Variants in ADAMTSL1 observed in about 807,000 individuals in gnomAD.
ADAMTSL1 encodes ADAMTS-like protein 1.
In ADAMTSL1, 126 loss-of-function variants were observed where a neutral mutation model predicts 201.8. The ratio of observed to expected loss-of-function variants is 0.62; its 90% CI spans 0.54 to 0.72. The LOEUF (loss-of-function observed/expected upper bound fraction) is 0.72, where lower values mean the gene tolerates loss of function less well. Among genes scored for constraint, ADAMTSL1 ranks in the 30% least tolerant of loss-of-function variants. The pLI, the probability that ADAMTSL1 is intolerant of heterozygous loss-of-function variation, is 0.00. For missense variants in ADAMTSL1, 2,679 were observed against 2,277.8 expected (o/e 1.18, Z -3.59); for synonymous variants, 1,121 against 903.4 (o/e 1.24, Z -4.32).
At chr9:17,987,713 C>T (rs1031478941) in intron 1 of ADAMTSL1, among the ~76,000 whole-genome samples, 1 of 151,986 alleles carries the variant, frequency 6.6e-6, no homozygotes, top group African/African-American at 2.4e-5. Context: ...CTCTCAAATG[C>T]CTTGTTTTTT....
intron 15 of ADAMTSL1, among the ~76,000 whole-genome samples, chr9:18,745,892 C>T (rs1254881062): frequency 6.6e-6 from 1 of 152,200 alleles, no homozygotes; most frequent in Non-Finnish European, 1.5e-5. Context: ...TGACTCCCAG[C>T]CATCCTGGCC....
At chr9:18,688,264 C>G (rs992670267) in intron 13 of ADAMTSL1, among the ~76,000 whole-genome samples, 9 of 151,752 alleles carry the variant, frequency 5.9e-5, no homozygotes, top group African/African-American at 1.9e-4. Context: ...GCTGGGATTA[C>G]AGGTGCCCAC....
At chr9:18,775,050 C>CTT (rs11299398) in intron 17 of ADAMTSL1, among the ~76,000 whole-genome samples, 1 of 147,728 alleles carries the variant, frequency 6.8e-6, no homozygotes, top group Non-Finnish European at 1.5e-5. Context: ...CACTTGTTGT[C>CTT]TTTTTTTTTT....
chr9:18,589,343 A>G (rs761542278), intron 4 of ADAMTSL1, among the ~76,000 whole-genome samples: 25 of 152,178 alleles, frequency 1.6e-4, no homozygotes, highest in East Asian at 1.5e-3. Flanking sequence ...GCTATTTTAA[A>G]TGGGATTGCT....
intron 2 of ADAMTSL1, among the ~76,000 whole-genome samples, chr9:18,389,048 A>C (rs74539289): frequency 0.048 from 7,234 of 152,126 alleles, 178 homozygotes; most frequent in Middle Eastern, 0.082. Context: ...AGCCACTGCA[A>C]CCAGTCCTAA....
At chr9:18,589,816 A>G (rs1045451515) in intron 4 of ADAMTSL1, among the ~76,000 whole-genome samples, 2 of 152,184 alleles carry the variant, frequency 1.3e-5, no homozygotes, top group Admixed American at 6.5e-5. Flanking sequence ...TTCAGCGTCT[A>G]TTGAAATGAT....
intron 2 of ADAMTSL1, among the ~76,000 whole-genome samples, chr9:18,263,181 C>A (rs1354200138): frequency 1.3e-5 from 2 of 152,148 alleles, no homozygotes; most frequent in African/African-American, 4.8e-5. Flanking sequence ...GAAACCATAA[C>A]CACATGATAG....
At chr9:18,525,464 T>C (rs2132057804) in intron 2 of ADAMTSL1, among the ~76,000 whole-genome samples, 1 of 152,326 alleles carries the variant, frequency 6.6e-6, no homozygotes, top group East Asian at 1.9e-4. Context: ...CTGATCTTAG[T>C]AGTTTCTTGC....
At chr9:18,174,219 G>A (rs1291771023) in intron 2 of ADAMTSL1, among the ~76,000 whole-genome samples, 1 of 152,144 alleles carries the variant, frequency 6.6e-6, no homozygotes, top group African/African-American at 2.4e-5. Flanking sequence ...ATCTTCCCAA[G>A]GAGTCCCTTA....
chr9:17,937,846 G>T (rs1386890897), intron 1 of ADAMTSL1, among the ~76,000 whole-genome samples: 1 of 152,140 alleles, frequency 6.6e-6, no homozygotes, highest in Non-Finnish European at 1.5e-5. Flanking sequence ...CTTGAGGTTT[G>T]AATCAAAATA....
At chr9:18,442,898 C>A (rs1035275501) in intron 2 of ADAMTSL1, among the ~76,000 whole-genome samples, 1 of 152,198 alleles carries the variant, frequency 6.6e-6, no homozygotes, top group African/African-American at 2.4e-5. Flanking sequence ...AACTTCTCAG[C>A]CTTCTACGAC....
At chr9:18,130,898 T>C (rs1016933359) in intron 1 of ADAMTSL1, among the ~76,000 whole-genome samples, 24 of 152,150 alleles carry the variant, frequency 1.6e-4, no homozygotes, top group Non-Finnish European at 3.1e-4. Flanking sequence ...TCAACTTTTC[T>C]GGACTTTCTT....
At chr9:18,241,584 A>G (rs993623064) in intron 2 of ADAMTSL1, among the ~76,000 whole-genome samples, 1 of 152,184 alleles carries the variant, frequency 6.6e-6, no homozygotes, top group Admixed American at 6.5e-5. Flanking sequence ...TGTTTAACAT[A>G]TATAACATGA....
intron 1 of ADAMTSL1, among the ~76,000 whole-genome samples, chr9:18,007,619 C>T (rs2131548242): frequency 6.6e-6 from 1 of 152,058 alleles, no homozygotes; most frequent in South Asian, 2.1e-4. Flanking sequence ...GATTTATACC[C>T]TTAACCCATG....
At chr9:18,520,319 T>C (rs771796161) in intron 2 of ADAMTSL1, among the ~76,000 whole-genome samples, 58 of 152,338 alleles carry the variant, frequency 3.8e-4, no homozygotes, top group Admixed American at 1.2e-3. Context: ...TCTATTTATA[T>C]CAAATTTAGT....
At chr9:17,948,834 A>G (rs1031741865) in intron 1 of ADAMTSL1, among the ~76,000 whole-genome samples, 19 of 152,238 alleles carry the variant, frequency 1.2e-4, no homozygotes, top group African/African-American at 3.4e-4. Flanking sequence ...TGCCAGGACT[A>G]TAAGTGTAAA....
chr9:18,608,991 C>T (rs571495046), intron 4 of ADAMTSL1, among the ~76,000 whole-genome samples: 1 of 152,248 alleles, frequency 6.6e-6, no homozygotes, highest in East Asian at 1.9e-4. Context: ...CACTTTCTTT[C>T]ATTACATTCA....
intron 1 of ADAMTSL1, among the ~76,000 whole-genome samples, chr9:18,088,638 G>A (rs572380567): frequency 4.6e-5 from 7 of 152,122 alleles, no homozygotes; most frequent in African/African-American, 1.2e-4. Flanking sequence ...GCTCAGTGTC[G>A]GTAATCATCA....
intron 1 of ADAMTSL1, among the ~76,000 whole-genome samples, chr9:18,025,886 C>T (rs1281067436): frequency 6.6e-6 from 1 of 152,084 alleles, no homozygotes; most frequent in African/African-American, 2.4e-5. Flanking sequence ...AGTCCAAGAG[C>T]ATGGAATGTT....
Sources: gnomAD v4.1 joint callset for allele counts (sites outside exome capture counted in the v4.1 genomes callset) on GRCh38, gnomAD v4.1.1 for gene constraint, MANE v1.5 for transcripts, NCBI Gene and HGNC (gene_info 2026-07-23, HGNC 2026-07-21) for gene names.